Variants in JAKMIP3 observed in about 807,000 individuals in gnomAD.
The protein encoded by JAKMIP3 is janus kinase and microtubule-interacting protein 3.
A neutral mutation model predicts 118.5 loss-of-function variants in JAKMIP3; 58 were observed. That is an observed-to-expected ratio of 0.49 (90% CI 0.40 to 0.61). JAKMIP3 has a LOEUF of 0.61. JAKMIP3 is among the 20% of genes least tolerant of loss of function. The probability of loss-of-function intolerance (pLI) is 0.00; values close to 1 mark genes in which losing one functional copy is unlikely to be tolerated. For missense variants in JAKMIP3, 950 were observed against 1,109.0 expected (o/e 0.86, Z 2.04); for synonymous variants, 486 against 451.2 (o/e 1.08, Z -0.98).
chr10:132,070,205 T>C (rs1193773948), intron 1 of JAKMIP3, among the ~76,000 whole-genome samples: 1 of 152,150 alleles, frequency 6.6e-6, no homozygotes, highest in Non-Finnish European at 1.5e-5. Context: ...TGGGGTGCAG[T>C]GGCGCGTTCT....
intron 3 of JAKMIP3, among the ~76,000 whole-genome samples, chr10:132,125,512 A>G (rs2135520616): frequency 6.6e-6 from 1 of 152,334 alleles, no homozygotes; most frequent in East Asian, 1.9e-4. Flanking sequence ...AAGTTCTACA[A>G]CTTCCTTCTT....
At chr10:132,162,718 A>G (rs1332120020) in intron 19 of JAKMIP3, among the ~76,000 whole-genome samples, 1 of 152,262 alleles carries the variant, frequency 6.6e-6, no homozygotes, top group Non-Finnish European at 1.5e-5. Context: ...TGAAATATAC[A>G]GAGCAAACTG....
chr10:132,159,879 T>A (rs1218614731), intron 19 of JAKMIP3, among the ~76,000 whole-genome samples: 2 of 53,608 alleles, frequency 3.7e-5, no homozygotes, highest in African/African-American at 8.4e-5. Flanking sequence ...TGGGGGGGTC[T>A]CTTCCTGTGT....
At chr10:132,133,207 C>A in intron 3 of JAKMIP3, 105 bp from the exon 4 acceptor site, 1 of 999,220 alleles carries the variant, frequency 1.0e-6, no homozygotes. Context: ...TTCGCTTTTG[C>A]TTCCGGTCTC....
intron 1 of JAKMIP3, among the ~76,000 whole-genome samples, chr10:132,104,104 C>T (rs1410370394): frequency 2.0e-5 from 3 of 152,120 alleles, no homozygotes; most frequent in African/African-American, 7.2e-5. Flanking sequence ...GGATATTCTG[C>T]ATTTTGTGTA....
chr10:132,041,245 C>T (rs1028887082), intron 1 of JAKMIP3, among the ~76,000 whole-genome samples: 3 of 152,216 alleles, frequency 2.0e-5, no homozygotes, highest in African/African-American at 7.2e-5. Context: ...TTTCTATAAA[C>T]ATTCATCACC....
At position 132,118,785 on chromosome 10, in the gene JAKMIP3, G is replaced by A. The variant is rs1406529205; in HGVS notation, c.633+1211G>A. 6.6e-6 allele frequency among the ~76,000 whole-genome samples: 1 copy of A among 152,164 alleles called. No individual in the cohort carries two copies. The highest frequency in any genetic ancestry group is 2.4e-5 in the African/African-American group (1 of 41,424). On this transcript the variant is annotated intron_variant, in intron 3 of 23. Coordinates refer to ENST00000684848, the MANE Select transcript of JAKMIP3 (RefSeq NM_001323087.2). The surrounding 1 kb of genome is among the most constrained non-coding windows in gnomAD (Gnocchi z 4.8). Reference sequence around the variant, plus strand: ...CAAGCCACATATCGATGTCACCTTAGCAACCCAAGGACCCGGCCCAAACCA... The same window carrying A: ...CAAGCCACATATCGATGTCACCTTAACAACCCAAGGACCCGGCCCAAACCA...
intron 22 of JAKMIP3, 95 bp from the exon 23 acceptor site, chr10:132,167,856 ACC>A (rs879460395): frequency 2.7e-5 from 9 of 338,452 alleles, no homozygotes; most frequent in Admixed American, 5.1e-5. Flanking sequence ...CTCGCCCCTC[ACC>A]CCTCGGCCCT....
intron 1 of JAKMIP3, among the ~76,000 whole-genome samples, chr10:132,082,268 G>C (rs754792187): frequency 2.3e-4 from 35 of 151,712 alleles, no homozygotes; most frequent in Non-Finnish European, 4.7e-4. Flanking sequence ...GGAACAGGTG[G>C]TGTTCGGTTA....
At chr10:132,061,281 C>T (rs2038390749), upstream of JAKMIP3, among the ~76,000 whole-genome samples, 1 of 151,638 alleles carries the variant, frequency 6.6e-6, no homozygotes, top group Non-Finnish European at 1.5e-5. Flanking sequence ...GCACACACAC[C>T]TGCCGTGACG....
intron 1 of JAKMIP3, among the ~76,000 whole-genome samples, chr10:132,091,075 G>A (rs571068995): frequency 6.6e-6 from 1 of 152,352 alleles, no homozygotes; most frequent in Admixed American, 6.5e-5. Flanking sequence ...CAGTTTCCAT[G>A]TAGTTGAGTG....
intron 3 of JAKMIP3, among the ~76,000 whole-genome samples, chr10:132,120,554 A>G (rs1017060634): frequency 6.6e-6 from 1 of 152,246 alleles, no homozygotes; most frequent in Non-Finnish European, 1.5e-5. Flanking sequence ...AATTTAAATA[A>G]AATAATGAAA....
intron 3 of JAKMIP3, among the ~76,000 whole-genome samples, chr10:132,123,621 G>A (rs959235049): frequency 4.6e-5 from 7 of 152,192 alleles, no homozygotes; most frequent in African/African-American, 1.2e-4. Flanking sequence ...GTAAGTGACC[G>A]AGAGCTTGTG....
chr10:132,129,875 CTTTTT>C (rs5789115), intron 3 of JAKMIP3, among the ~76,000 whole-genome samples: 1 of 138,826 alleles, frequency 7.2e-6, no homozygotes, highest in African/African-American at 2.7e-5. Flanking sequence ...GCATCAGTAC[CTTTTT>C]TTTTTTTTTT....
upstream of JAKMIP3, among the ~76,000 whole-genome samples, chr10:132,063,663 C>T (rs1479419307): frequency 1.3e-5 from 2 of 152,180 alleles, no homozygotes; most frequent in East Asian, 1.9e-4. Context: ...CGGGAGAGAA[C>T]GGACCGTCTG....
chr10:132,142,310 C>T (rs867082903), intron 11 of JAKMIP3, among the ~76,000 whole-genome samples: 17 of 152,306 alleles, frequency 1.1e-4, no homozygotes, highest in South Asian at 4.1e-4. Context: ...CTGGGGGAGG[C>T]GGGGTGGTAG....
At chr10:132,043,834 T>G (rs529734691) in intron 1 of JAKMIP3, among the ~76,000 whole-genome samples, 2 of 152,356 alleles carry the variant, frequency 1.3e-5, no homozygotes, top group Admixed American at 1.3e-4. Flanking sequence ...TCTCCTGGGT[T>G]GTTTTCCTTA....
chr10:132,132,519 C>G (rs895734987), intron 3 of JAKMIP3, among the ~76,000 whole-genome samples: 3 of 147,796 alleles, frequency 2.0e-5, no homozygotes, highest in African/African-American at 7.4e-5. Flanking sequence ...GACTTCTTCC[C>G]TTCATAGGTT....
At chr10:132,104,564 TG>T in intron 1 of JAKMIP3, 107 bp from the exon 2 acceptor site, 1 of 534,940 alleles carries the variant, frequency 1.9e-6, no homozygotes, top group Non-Finnish European at 3.4e-6. Flanking sequence ...TCCTCAGCAC[TG>T]CAATGAGGTG....
Sources: allele counts gnomAD v4.1 joint callset (sites outside exome capture counted in the v4.1 genomes callset), GRCh38; gene constraint gnomAD v4.1.1; non-coding constraint Gnocchi (gnomAD v3.1); transcripts MANE v1.5; gene names NCBI Gene and HGNC (gene_info 2026-07-23, HGNC 2026-07-21).